Variants in INKA2 observed in about 807,000 individuals in gnomAD.
INKA2 encodes PAK4-inhibitor INKA2.
A neutral mutation model predicts 9.8 loss-of-function variants in INKA2; 3 were observed. The ratio of observed to expected loss-of-function variants is 0.31; its 90% CI spans 0.14 to 0.79. The LOEUF is 0.79. Among genes scored for constraint, INKA2 ranks in the 30% least tolerant of loss-of-function variants. INKA2 has a pLI of 0.62. For synonymous variants in INKA2, 147 were observed against 143.3 expected, an observed-to-expected ratio of 1.03 and a Z score of -0.18; for missense variants, 392 against 384.4, an observed-to-expected ratio of 1.02 and a Z score of -0.17.
chr1:111,722,996 G>T lies in INKA2; in HGVS notation c.*3972C>A. On this transcript the variant is annotated 3_prime_UTR_variant, in exon 2 of 2. Transcript: ENST00000357260. ...ACCTTTCACAGATGAGAAACACAAGGTTCAGAGAGATCAAGCAACATGCTC... is the reference window on the plus strand; with the variant it reads ...ACCTTTCACAGATGAGAAACACAAGTTTCAGAGAGATCAAGCAACATGCTC... 1.4e-6 allele frequency: 1 copy of T among 694,066 alleles called. No individual in the cohort carries two copies. Among genetic ancestry groups the T allele is most frequent in the Non-Finnish European group, 2.6e-6 (1 of 380,882 alleles). The allele number at this position is 694,066 out of a possible 1,614,324, so 43.0% of individuals were successfully genotyped here.
chr1:111,745,229 TATACACACAC>T (rs1663234218), intron 1 of INKA2: 1 of 108,600 alleles, frequency 9.2e-6, no homozygotes, highest in African/African-American at 4.4e-5. Flanking sequence ...GGCAAGCAAA[TATACACACAC>T]ACACACACAC....
At chr1:111,742,357 T>C (rs530153643), upstream of INKA2, among the ~76,000 whole-genome samples, 55 of 151,986 alleles carry the variant, frequency 3.6e-4, no homozygotes, top group Non-Finnish European at 5.9e-4. Context: ...GAGGCCGAGG[T>C]GGGCAGATCA....
intron 1 of INKA2, chr1:111,755,498 GC>G: frequency 1.7e-6 from 1 of 598,878 alleles, no homozygotes; most frequent in East Asian, 3.1e-5. Context: ...AGAGGTGGCC[GC>G]GAAGCGAGAC....
At chr1:111,749,051 G>A (rs1663335813) in intron 1 of INKA2, among the ~76,000 whole-genome samples, 1 of 152,224 alleles carries the variant, frequency 6.6e-6, no homozygotes, top group Admixed American at 6.5e-5. Flanking sequence ...GAAAATGTGA[G>A]CGAAGCTGCC....
At chr1:111,732,568 TACACACAC>T (rs3085876) in intron 1 of INKA2, among the ~76,000 whole-genome samples, 30 of 142,956 alleles carry the variant, frequency 2.1e-4, no homozygotes, top group Middle Eastern at 7.1e-3. Context: ...CTCTCTCTGT[TACACACAC>T]ACACACACAC....
rs2101350581 is a variant in INKA2, at chr1:111,725,462, C to G, written c.*1506G>C. 1 of 152,548 alleles carries G rather than the reference C, an allele frequency of 6.6e-6. No homozygotes were observed. 9.4% of individuals were successfully genotyped at this position (152,548 alleles called of 1,614,324 possible). A position where few individuals can be genotyped will look rare whatever the true frequency, so the allele number is the denominator to read the frequency against. ...AGGTGGCCCTCCTGGGCCACGTGCC[C>G]AGAGTGGCTTTAGAGAAGCCGGAGC... On this transcript the variant is annotated 3_prime_UTR_variant, in exon 2 of 2. Coordinates refer to ENST00000357260, the MANE Select transcript of INKA2 (RefSeq NM_019099.5).
chr1:111,752,850 C>T (rs1249114634), intron 1 of INKA2, among the ~76,000 whole-genome samples: 1 of 152,088 alleles, frequency 6.6e-6, no homozygotes, highest in Non-Finnish European at 1.5e-5. Context: ...CCCACCACCA[C>T]GCCCGGCTAA....
Position 111,724,173 on chromosome 1 carries a change from C to T in INKA2, c.*2795G>A, listed in dbSNP as rs1163892539. On this transcript the variant is annotated 3_prime_UTR_variant, in exon 2 of 2. Transcript: ENST00000357260. ...TTGCTTCCTAATTTTTTGTTCTGGC[C>T]CAAGTTGAAACAAGTTTTCAGTCTC... 3 of 152,132 alleles carry T rather than the reference C, an allele frequency of 2.0e-5. No homozygotes were observed. The highest frequency in any genetic ancestry group is 7.2e-5 in the African/African-American group (3 of 41,416). The allele number at this position is 152,132 out of a possible 1,614,324, so 9.4% of individuals were successfully genotyped here. A position where few individuals can be genotyped will look rare whatever the true frequency, so the allele number is the denominator to read the frequency against.
intron 1 of INKA2, among the ~76,000 whole-genome samples, chr1:111,733,817 G>A (rs1301215552): frequency 1.3e-5 from 2 of 152,112 alleles, no homozygotes; most frequent in Non-Finnish European, 2.9e-5. Context: ...CCTGGGCCCC[G>A]ACTGATCCCG....
intron 1 of INKA2, among the ~76,000 whole-genome samples, chr1:111,735,447 TA>T (rs1449649516): frequency 1.3e-5 from 2 of 152,222 alleles, no homozygotes; most frequent in Non-Finnish European, 2.9e-5. Flanking sequence ...GTAGGTATTT[TA>T]AAACCCCCAT....
In INKA2 at chr1:111,725,991, C is replaced by A; in HGVS notation, c.*977G>T. 1 of 397,736 alleles carries A rather than the reference C, an allele frequency of 2.5e-6. No homozygotes were observed. Among genetic ancestry groups the A allele is most frequent in the Non-Finnish European group, 4.4e-6 (1 of 225,562 alleles). 24.6% of individuals were successfully genotyped at this position (397,736 alleles called of 1,614,324 possible). ...ACCCCAGGTAATCCGCCTGCCTTGCCCTCCCAAAGTGCTGGGATTACAGGC... is the reference window on the plus strand; with the variant it reads ...ACCCCAGGTAATCCGCCTGCCTTGCACTCCCAAAGTGCTGGGATTACAGGC... On this transcript the variant is annotated 3_prime_UTR_variant, in exon 2 of 2. Coordinates refer to ENST00000357260, the MANE Select transcript of INKA2 (RefSeq NM_019099.5).
chr1:111,738,879 C>G (rs1332740636), intron 1 of INKA2, among the ~76,000 whole-genome samples: 2 of 152,214 alleles, frequency 1.3e-5, no homozygotes, highest in Non-Finnish European at 2.9e-5. Flanking sequence ...GTGTGCCTGG[C>G]CGTCTCTGGG....
chr1:111,742,641 T>C (rs1434284078), upstream of INKA2, among the ~76,000 whole-genome samples: 1 of 152,278 alleles, frequency 6.6e-6, no homozygotes, highest in Admixed American at 6.5e-5. Context: ...AGGGGAATGT[T>C]TACCCCATCT....
At chr1:111,727,897 C>T (rs113291306) in intron 1 of INKA2, 93 bp from the exon 2 acceptor site, 26 of 1,227,874 alleles carry the variant, frequency 2.1e-5, no homozygotes, top group African/African-American at 1.2e-4. Context: ...CCCAAACATA[C>T]ACTTCCAGGG....
At chr1:111,736,049 T>C (rs529220940) in intron 1 of INKA2, among the ~76,000 whole-genome samples, 1 of 152,336 alleles carries the variant, frequency 6.6e-6, no homozygotes, top group South Asian at 2.1e-4. Flanking sequence ...CCCCCACTTA[T>C]TGGCAGCCCA....
chr1:111,742,387 C>A (rs961003471), upstream of INKA2, among the ~76,000 whole-genome samples: 1 of 152,092 alleles, frequency 6.6e-6, no homozygotes, highest in South Asian at 2.1e-4. Flanking sequence ...GAGTTTGAGA[C>A]CAGCCTGGCT....
chr1:111,733,557 C>G (rs1662955086), intron 1 of INKA2, among the ~76,000 whole-genome samples: 1 of 152,218 alleles, frequency 6.6e-6, no homozygotes, highest in Admixed American at 6.5e-5. Context: ...GACTCCGAGG[C>G]CTCCCTTTCA....
At position 111,722,256 on chromosome 1, in the gene INKA2, A is replaced by G. The variant is rs1662665365; in HGVS notation, c.*4712T>C. 1 of 152,374 alleles carries G rather than the reference A, an allele frequency of 6.6e-6. No homozygotes were observed. The highest frequency in any genetic ancestry group is 2.1e-4 in the South Asian group (1 of 4,816). The allele number at this position is 152,374 out of a possible 1,614,324, so 9.4% of individuals were successfully genotyped here. A position where few individuals can be genotyped will look rare whatever the true frequency, so the allele number is the denominator to read the frequency against. On this transcript the variant is annotated 3_prime_UTR_variant, in exon 2 of 2. Transcript: ENST00000357260. ...GACCTCTCCTGAAGGTGGGCTTCAC[A>G]GATTCCTCCACCCCATCAGGAGGGA...
Position 111,727,779 on chromosome 1 carries a change from C to A in INKA2, c.83G>T (p.Gly28Val). ...ELMSMKEVGD[G>V]LQDQMNCMMG... ...CATGCAGTTCATCTGATCCTGTAAG[C>A]CATCACCCACCTCCTTCATGGACAT... The change falls in exon 2 of 2, where the codon GGC becomes GTC. Residue 28 changes from glycine to valine, a missense_variant. Gly to Val is a moderately radical substitution (Grantham distance 109). Transcript: ENST00000357260. 6.2e-7 allele frequency: 1 copy of A among 1,608,222 alleles called. No homozygotes were observed. The highest frequency in any genetic ancestry group is 8.5e-7 in the Non-Finnish European group (1 of 1,180,002).
Sources: allele counts gnomAD v4.1 joint callset (sites outside exome capture counted in the v4.1 genomes callset), GRCh38; gene constraint gnomAD v4.1.1; transcripts MANE v1.5; gene names NCBI Gene and HGNC (gene_info 2026-07-23, HGNC 2026-07-21).